Variants in FIRRM observed in about 807,000 individuals in gnomAD.
The protein encoded by FIRRM is FIGNL1-interacting regulator of recombination and mitosis.
chr1:169,813,265 T>C, the FIRRM span, among the ~76,000 whole-genome samples: 13 of 152,352 alleles, frequency 8.5e-5, no homozygotes, highest in South Asian at 2.7e-3. Context: ...AGCCTCATTA[T>C]AGATGAGAAA....
chr1:169,800,147 C>T, the FIRRM span, among the ~76,000 whole-genome samples: 2 of 152,220 alleles, frequency 1.3e-5, no homozygotes, highest in Non-Finnish European at 2.9e-5. Flanking sequence ...AATCCTCTCA[C>T]CTCAGCCTTC....
the FIRRM span, chr1:169,853,923 A>AAAGT: frequency 1.5e-5 from 12 of 816,960 alleles, no homozygotes; most frequent in Non-Finnish European, 1.9e-5. Flanking sequence ...GCTCTAACAG[A>AAAGT]AAGTTGAAAA....
the FIRRM span, among the ~76,000 whole-genome samples, chr1:169,833,700 T>A: frequency 6.6e-6 from 1 of 152,128 alleles, no homozygotes; most frequent in Non-Finnish European, 1.5e-5. Flanking sequence ...CTCTTAGCCT[T>A]CTTTTCGTAG....
chr1:169,852,105 G>A, the FIRRM span: 1 of 813,812 alleles, frequency 1.2e-6, no homozygotes, highest in East Asian at 2.7e-5. Context: ...AAATTAAGAA[G>A]TGGGACTACA....
chr1:169,816,692 C>G, the FIRRM span, among the ~76,000 whole-genome samples: 2 of 152,120 alleles, frequency 1.3e-5, no homozygotes, highest in African/African-American at 2.4e-5. Context: ...CTGGGCCTGT[C>G]AGAAAGTGAC....
the FIRRM span, chr1:169,823,411 T>C: frequency 6.3e-7 from 1 of 1,598,846 alleles, no homozygotes; most frequent in Non-Finnish European, 8.5e-7. Flanking sequence ...ATTTTAGGAA[T>C]TTCTTCCTTT....
At chr1:169,830,979 A>C in the FIRRM span, among the ~76,000 whole-genome samples, 1,004 of 152,312 alleles carry the variant, frequency 6.6e-3, 10 homozygotes, top group African/African-American at 0.023. Flanking sequence ...TAATTTCAGT[A>C]ATTGTTCTGG....
the FIRRM span, among the ~76,000 whole-genome samples, chr1:169,815,555 C>A: frequency 2.6e-5 from 4 of 152,090 alleles, no homozygotes; most frequent in Non-Finnish European, 4.4e-5. Context: ...TTTTATCATG[C>A]TAATGCATTA....
the FIRRM span, among the ~76,000 whole-genome samples, chr1:169,831,849 T>G: frequency 1.3e-5 from 2 of 152,170 alleles, no homozygotes; most frequent in African/African-American, 4.8e-5. Flanking sequence ...CTCAAACTTC[T>G]GGGTGCAAAT....
chr1:169,817,008 A>G, the FIRRM span, among the ~76,000 whole-genome samples: 17 of 152,276 alleles, frequency 1.1e-4, no homozygotes, highest in East Asian at 7.7e-4. Flanking sequence ...ATTCACAGTG[A>G]TATACTTTAC....
the FIRRM span, among the ~76,000 whole-genome samples, chr1:169,784,723 C>A: frequency 5.3e-5 from 8 of 152,186 alleles, no homozygotes; most frequent in African/African-American, 1.7e-4. Context: ...GTAAAAGGGG[C>A]ACACACAGAA....
the FIRRM span, chr1:169,850,388 T>TC: frequency 5.6e-6 from 8 of 1,423,402 alleles, 1 homozygote; most frequent in Admixed American, 1.0e-4. Flanking sequence ...TTGTCCTATT[T>TC]TTTTTTTTCC....
chr1:169,826,868 A>T, the FIRRM span, among the ~76,000 whole-genome samples: 1 of 152,106 alleles, frequency 6.6e-6, no homozygotes, highest in African/African-American at 2.4e-5. Flanking sequence ...TAGTTTAGAG[A>T]TCTTGATCCA....
At chr1:169,833,044 G>A in the FIRRM span, among the ~76,000 whole-genome samples, 2 of 152,104 alleles carry the variant, frequency 1.3e-5, no homozygotes. Context: ...CTGTCTTCCT[G>A]AAATAGATCT....
At chr1:169,849,605 G>A in the FIRRM span, 2 of 1,604,898 alleles carry the variant, frequency 1.2e-6, no homozygotes, top group East Asian at 2.2e-5. Context: ...GTTCGCTGAG[G>A]TAATTATAAA....
the FIRRM span, among the ~76,000 whole-genome samples, chr1:169,810,907 C>T: frequency 3.4e-5 from 4 of 118,870 alleles, no homozygotes; most frequent in Admixed American, 1.2e-4. Flanking sequence ...GGCCGGACTG[C>T]GGACTGCAGT....
the FIRRM span, chr1:169,852,658 T>TG: frequency 3.4e-6 from 3 of 885,994 alleles, no homozygotes; most frequent in South Asian, 1.7e-5. Context: ...GTAGGGGTTT[T>TG]GGGGTGCATC....
the FIRRM span, chr1:169,851,804 T>G: frequency 1.2e-6 from 2 of 1,611,200 alleles, no homozygotes; most frequent in Non-Finnish European, 1.7e-6. Context: ...TGGTTTTTCA[T>G]GGTCCCTGGC....
At chr1:169,815,706 A>G in the FIRRM span, among the ~76,000 whole-genome samples, 3 of 152,158 alleles carry the variant, frequency 2.0e-5, no homozygotes, top group Admixed American at 6.5e-5. Flanking sequence ...CTGACCTCCT[A>G]TCTCATCCTG....
Sources: allele counts gnomAD v4.1 joint callset (sites outside exome capture counted in the v4.1 genomes callset), GRCh38; gene constraint gnomAD v4.1.1; transcripts MANE v1.5; gene names NCBI Gene and HGNC (gene_info 2026-07-23, HGNC 2026-07-21).